Variants in DENND4C observed in about 807,000 individuals in gnomAD.
The protein encoded by DENND4C is DENN domain containing 4C.
Under a neutral mutation model 203.0 loss-of-function variants are expected in DENND4C, and 108 were observed. The ratio of observed to expected loss-of-function variants is 0.53; its 90% CI spans 0.46 to 0.62. DENND4C has a LOEUF of 0.62. Ranked by LOEUF, DENND4C falls within the 20% of genes least tolerant of loss-of-function variation. The pLI, the probability that DENND4C is intolerant of heterozygous loss-of-function variation, is 0.00. For synonymous variants in DENND4C, 871 were observed against 792.4 expected, an observed-to-expected ratio of 1.10 and a Z score of -1.67; for missense variants, 2,481 against 2,301.2, an observed-to-expected ratio of 1.08 and a Z score of -1.60.
intron 1 of DENND4C, among the ~76,000 whole-genome samples, chr9:19,254,399 A>G (rs1054351400): frequency 1.3e-5 from 2 of 152,350 alleles, no homozygotes; most frequent in South Asian, 2.1e-4. Context: ...GCAGAATACT[A>G]TTTAGCCATA....
In DENND4C at chr9:19,363,889, C is replaced by T. The variant is rs145108106; in HGVS notation, c.5524+1926C>T. On this transcript the variant is annotated intron_variant, in intron 30 of 32. Transcript: ENST00000434457. ...ATTAGCCAGGCTTGGTGATGCACGC[C>T]TGTAATCCCAGCTACTCAGGAGGCT... is the stretch of plus-strand genomic sequence containing the variant. Among the ~76,000 whole-genome samples, 4 of 152,132 alleles carry T rather than the reference C, an allele frequency of 2.6e-5. No homozygotes were observed. The East Asian group carries it at 7.7e-4, about 29-fold the overall frequency.
At chr9:19,282,249 T>G (rs1834202506) in intron 2 of DENND4C, among the ~76,000 whole-genome samples, 1 of 151,918 alleles carries the variant, frequency 6.6e-6, no homozygotes. Context: ...ATTTTAAAAA[T>G]TTATTCTTTT....
chr9:19,296,005 T>TAAA lies in DENND4C; in HGVS notation c.802-2_802-1insAAA. On this transcript the variant is annotated splice_region_variant and splice_polypyrimidine_tract_variant and intron_variant, in intron 5 of 32. Transcript: ENST00000434457. ...CTTATAACAGAATTCTGTTACTCTTTAGGTATATGGAGCTGCCATTCAGTT... is the reference window on the plus strand; with the variant it reads ...CTTATAACAGAATTCTGTTACTCTTTAAAAGGTATATGGAGCTGCCATTCAGTT... 1 of 1,597,874 alleles carries TAAA rather than the reference T, an allele frequency of 6.3e-7. No homozygotes were observed. The highest frequency in any genetic ancestry group is 1.1e-5 in the South Asian group (1 of 89,440).
intron 17 of DENND4C, among the ~76,000 whole-genome samples, chr9:19,333,234 C>A (rs533281739): frequency 6.6e-6 from 1 of 151,604 alleles, no homozygotes; most frequent in East Asian, 2.0e-4. Context: ...CTGGGCTGGT[C>A]TCAAACTCAT....
intron 1 of DENND4C, among the ~76,000 whole-genome samples, chr9:19,250,166 A>C (rs1826206345): frequency 6.6e-6 from 1 of 152,016 alleles, no homozygotes; most frequent in Non-Finnish European, 1.5e-5. Flanking sequence ...TGGCTGACAT[A>C]CCCAAGTGAC....
intron 1 of DENND4C, among the ~76,000 whole-genome samples, chr9:19,242,234 C>G (rs150595989): frequency 2.0e-5 from 3 of 152,266 alleles, no homozygotes; most frequent in African/African-American, 7.2e-5. Flanking sequence ...GGGTCCTTTA[C>G]ATCATTTTGT....
chr9:19,296,363 A>ATTT, intron 6 of DENND4C, 117 bp downstream of exon 6: 1 of 641,980 alleles, frequency 1.6e-6, no homozygotes, highest in Non-Finnish European at 2.6e-6. Context: ...ATTTAACTGA[A>ATTT]CTTTTTTTTT....
At chr9:19,363,557 A>G (rs1194095704) in intron 30 of DENND4C, among the ~76,000 whole-genome samples, 1 of 151,960 alleles carries the variant, frequency 6.6e-6, no homozygotes, top group Admixed American at 6.6e-5. Context: ...ATGTAACCTT[A>G]ATTATTTATT....
Position 19,325,887 on chromosome 9 carries a change from A to G in DENND4C, c.1954-52A>G, listed in dbSNP as rs112489401. On this transcript the variant is annotated intron_variant, in intron 13 of 32. Transcript: ENST00000434457. ...ATCAGAATGTAAGATAAAAATGTCTATTAAATTCATAGTGGACATTTTCAT... is the reference window on the plus strand; with the variant it reads ...ATCAGAATGTAAGATAAAAATGTCTGTTAAATTCATAGTGGACATTTTCAT... The G allele has an allele frequency of 1.8e-4, 270 of 1,535,878 alleles. No homozygotes were observed. The African/African-American group carries it at 3.0e-3, about 17-fold the overall frequency.
chr9:19,332,318 C>T (rs1819400018), intron 17 of DENND4C, 134 bp downstream of exon 17: 1 of 668,826 alleles, frequency 1.5e-6, no homozygotes, highest in Non-Finnish European at 2.6e-6. Context: ...ATTACTGTTT[C>T]ATGGAGCTGG....
At chr9:19,327,929 T>G in intron 15 of DENND4C, 101 bp from the exon 16 acceptor site, 1 of 1,105,550 alleles carries the variant, frequency 9.0e-7, no homozygotes, top group Non-Finnish European at 1.3e-6. Context: ...AAAATAATGT[T>G]GGATACTATT....
At chr9:19,315,155 CAAA>C (rs10623955) in intron 10 of DENND4C, among the ~76,000 whole-genome samples, 2 of 119,474 alleles carry the variant, frequency 1.7e-5, no homozygotes, top group African/African-American at 3.3e-5. Flanking sequence ...GACTCCGTCT[CAAA>C]AAAAAAAAAA....
rs1822989546 is a variant in DENND4C, at chr9:19,346,764, A to G, written c.3995A>G (p.His1332Arg). The G allele has an allele frequency of 1.9e-6, 3 of 1,614,062 alleles. No homozygotes were observed. The highest frequency in any genetic ancestry group is 1.3e-5 in the African/African-American group (1 of 74,914). The change falls in exon 23 of 33, where the codon CAT becomes CGT. Residue 1332 changes from histidine (H) to arginine (R), a missense_variant. By Grantham distance (29) the His-to-Arg change is conservative. Coordinates refer to ENST00000434457, the MANE Select transcript of DENND4C (RefSeq NM_001330640.2). ...AGGAGATCAAGCCTACCTTTAGATC[A>G]TGGTTCACCAGCACAGGAAAATCCT... ...LERRSSLPLD[H>R]GSPAQENPES...
At position 19,326,178 on chromosome 9, in the gene DENND4C, C is replaced by G. The variant is rs761727431; in HGVS notation, c.2104C>G (p.Leu702Val). The G allele has an allele frequency of 6.2e-7, 1 of 1,612,102 alleles. No individual in the cohort carries two copies. Among genetic ancestry groups the G allele is most frequent in the South Asian group, 1.1e-5 (1 of 90,490 alleles). Residue 702 changes from leucine to valine, a missense_variant, in exon 15 of 33, where the codon CTG becomes GTG. Around this residue, in one of 3 missense-constraint regions of DENND4C, gnomAD observed 2,289 missense variants for 2,113.3 expected, o/e 1.08. Transcript: ENST00000434457. ...GCCACCTCCTGATGATGGAAAGGACCTGTCACCAAAGTACAGGTAGTAGGA... is the reference window on the plus strand; with the variant it reads ...GCCACCTCCTGATGATGGAAAGGACGTGTCACCAAAGTACAGGTAGTAGGA... ...PEPPPDDGKD[L>V]SPKYSYKYFP... is the part of the protein sequence containing the mutation.
intron 26 of DENND4C, among the ~76,000 whole-genome samples, chr9:19,353,188 A>G (rs1388854429): frequency 6.6e-6 from 1 of 152,238 alleles, no homozygotes; most frequent in Non-Finnish European, 1.5e-5. Context: ...AATTCTAGGC[A>G]ATAGATATAA....
chr9:19,368,051 A>T (rs935736080), intron 30 of DENND4C, among the ~76,000 whole-genome samples: 4 of 152,224 alleles, frequency 2.6e-5, no homozygotes, highest in Non-Finnish European at 5.9e-5. Flanking sequence ...TGATGGTTGC[A>T]CAACTTCATG....
At chr9:19,247,490 G>T (rs142606814) in intron 1 of DENND4C, among the ~76,000 whole-genome samples, 1,522 of 152,168 alleles carry the variant, frequency 0.01, 20 homozygotes, top group African/African-American at 0.035. Flanking sequence ...TGAATTCCTG[G>T]TCTCAAGTAA....
At chr9:19,334,203 G>A (rs1030790223) in intron 17 of DENND4C, among the ~76,000 whole-genome samples, 6 of 151,980 alleles carry the variant, frequency 3.9e-5, no homozygotes, top group African/African-American at 7.3e-5. Context: ...GTGCCACCAC[G>A]CCTGGCTAAT....
chr9:19,261,249 G>C (rs1428094869), intron 1 of DENND4C, among the ~76,000 whole-genome samples: 2 of 152,006 alleles, frequency 1.3e-5, no homozygotes, highest in Non-Finnish European at 2.9e-5. Context: ...CTGACATGCT[G>C]TTTGGCTACT....
Sources: allele counts gnomAD v4.1 joint callset (sites outside exome capture counted in the v4.1 genomes callset), GRCh38; gene constraint gnomAD v4.1.1; regional missense constraint gnomAD v4.1.1; transcripts MANE v1.5; gene names NCBI Gene and HGNC (gene_info 2026-07-23, HGNC 2026-07-21).